DPYD: variants seen among roughly 807,000 people sequenced by gnomAD.
DPYD encodes the protein dihydropyrimidine dehydrogenase.
A neutral mutation model predicts 116.2 loss-of-function variants in DPYD; 109 were observed. The ratio of observed to expected loss-of-function variants is 0.94; its 90% CI spans 0.80 to 1.10. The LOEUF is 1.10. DPYD is among the 50% of genes least tolerant of loss of function. The pLI is 0.00. For synonymous variants in DPYD, 440 were observed against 432.0 expected (o/e 1.02, Z -0.23); for missense variants, 1,302 against 1,254.5 (o/e 1.04, Z -0.57).
chr1:97,174,445 T>A (rs956703314), intron 20 of DPYD, among the ~76,000 whole-genome samples: 2 of 150,960 alleles, frequency 1.3e-5, no homozygotes, highest in African/African-American at 2.4e-5. Context: ...CTCCCTGATG[T>A]GAAAGGCCGG....
intron 12 of DPYD, among the ~76,000 whole-genome samples, chr1:97,531,464 T>A (rs895558987): frequency 3.3e-5 from 5 of 152,218 alleles, no homozygotes; most frequent in African/African-American, 9.6e-5. Flanking sequence ...GGCTGTAGGA[T>A]ATAAGCTCTC....
At chr1:97,081,129 A>C (rs1649119964) in intron 22 of DPYD, among the ~76,000 whole-genome samples, 1 of 77,434 alleles carries the variant, frequency 1.3e-5, no homozygotes, top group Non-Finnish European at 2.7e-5. Flanking sequence ...AACTAGGAAG[A>C]AAAATTAATA....
At chr1:97,640,138 A>G (rs1281959270) in intron 8 of DPYD, among the ~76,000 whole-genome samples, 1 of 152,206 alleles carries the variant, frequency 6.6e-6, no homozygotes, top group Non-Finnish European at 1.5e-5. Context: ...AAGTCAAGTT[A>G]CGTAGTGACT....
At chr1:97,735,414 C>T (rs924476281) in intron 4 of DPYD, among the ~76,000 whole-genome samples, 20 of 151,606 alleles carry the variant, frequency 1.3e-4, no homozygotes, top group African/African-American at 4.4e-4. Flanking sequence ...CGGTGGCTCA[C>T]GCCTGTAATC....
chr1:97,696,443 T>C (rs951811287), intron 6 of DPYD, among the ~76,000 whole-genome samples: 11 of 152,086 alleles, frequency 7.2e-5, no homozygotes, highest in African/African-American at 2.2e-4. Context: ...TAGGTGATAA[T>C]TGAAACCATG....
chr1:97,525,867 T>G, intron 12 of DPYD, among the ~76,000 whole-genome samples: 1 of 122,696 alleles, frequency 8.2e-6, no homozygotes. Context: ...TAATTAAGAG[T>G]GTGCGTGTGT....
Position 97,231,826 on chromosome 1 carries a change from T to C in DPYD, c.2442+3026A>G, listed in dbSNP as rs551624397. Among the ~76,000 whole-genome samples, 3 of 152,316 alleles carry C rather than the reference T, an allele frequency of 2.0e-5. No individual in the cohort carries two copies. The South Asian group carries it at 6.2e-4, about 32-fold the overall frequency. On this transcript the variant is annotated intron_variant, in intron 19 of 22. Coordinates refer to ENST00000370192, the MANE Select transcript of DPYD (RefSeq NM_000110.4). Reference sequence around the variant, plus strand: ...ATGGTAGACAGTCAATAATCTTTACTTCCATGTGTGACTTGCCCATGGTCA... The same window carrying C: ...ATGGTAGACAGTCAATAATCTTTACCTCCATGTGTGACTTGCCCATGGTCA...
At chr1:97,758,676 T>C (rs1665401574) in intron 3 of DPYD, among the ~76,000 whole-genome samples, 1 of 152,216 alleles carries the variant, frequency 6.6e-6, no homozygotes, top group Non-Finnish European at 1.5e-5. Flanking sequence ...GTCCGACTAG[T>C]AAAATTTTGG....
intron 10 of DPYD, among the ~76,000 whole-genome samples, chr1:97,576,611 T>A (rs1329866219): frequency 6.6e-6 from 1 of 152,258 alleles, no homozygotes; most frequent in Non-Finnish European, 1.5e-5. Flanking sequence ...GTTTTAGTAA[T>A]GTTTAGTAAT....
chr1:97,488,227 G>T (rs1415629635), intron 13 of DPYD, among the ~76,000 whole-genome samples: 1 of 152,028 alleles, frequency 6.6e-6, no homozygotes, highest in African/African-American at 2.4e-5. Flanking sequence ...TTTGAAATTA[G>T]AAAATTTTAG....
At chr1:97,772,315 T>C (rs927867449) in intron 3 of DPYD, among the ~76,000 whole-genome samples, 25 of 152,172 alleles carry the variant, frequency 1.6e-4, no homozygotes, top group Admixed American at 1.2e-3. Context: ...TGTTTGACCT[T>C]AAAGAACTCA....
intron 17 of DPYD, among the ~76,000 whole-genome samples, chr1:97,305,969 T>A (rs75179692): frequency 6.6e-6 from 1 of 151,966 alleles, no homozygotes; most frequent in Non-Finnish European, 1.5e-5. Flanking sequence ...GGATCTTGTG[T>A]TTCCAGATCA....
At position 97,665,629 on chromosome 1, in the gene DPYD, C is replaced by T. The variant is rs145916447; in HGVS notation, c.850+13466G>A. The stretch of plus-strand genomic sequence containing the variant: ...TTATCTTCTAAATGAAGAAAAATCA[C>T]AAATTCTATTCAATATCCAGGTATT... On this transcript the variant is annotated intron_variant, in intron 8 of 22. Transcript: ENST00000370192. 6.2e-3 allele frequency among the ~76,000 whole-genome samples: 945 copies of T among 152,246 alleles called. 14 individuals carry two copies. Among genetic ancestry groups the T allele is most frequent in the African/African-American group, 0.022 (900 of 41,560 alleles).
At chr1:97,719,771 C>A (rs892917801) in intron 5 of DPYD, 3 of 984,782 alleles carry the variant, frequency 3.0e-6, no homozygotes, top group African/African-American at 1.8e-5. Context: ...GTAGTTCCCA[C>A]GAGGACATTT....
At chr1:97,763,867 A>C (rs1374280319) in intron 3 of DPYD, among the ~76,000 whole-genome samples, 1 of 152,110 alleles carries the variant, frequency 6.6e-6, no homozygotes, top group Non-Finnish European at 1.5e-5. Context: ...GTAAAGCTTC[A>C]TACTAGCTTA....
intron 8 of DPYD, among the ~76,000 whole-genome samples, chr1:97,678,320 C>T (rs1053285800): frequency 6.6e-6 from 1 of 152,186 alleles, no homozygotes; most frequent in Non-Finnish European, 1.5e-5. Context: ...CCACTATTCA[C>T]CTCCTGCTGT....
intron 3 of DPYD, among the ~76,000 whole-genome samples, chr1:97,823,990 T>G (rs2101462314): frequency 6.6e-6 from 1 of 151,626 alleles, no homozygotes; most frequent in South Asian, 2.1e-4. Flanking sequence ...GGGTACTTCA[T>G]CATATAATAA....
intron 14 of DPYD, among the ~76,000 whole-genome samples, chr1:97,384,627 A>T (rs144975032): frequency 2.6e-5 from 4 of 152,290 alleles, no homozygotes; most frequent in Non-Finnish European, 5.9e-5. Context: ...TGGCGATTAT[A>T]TGAGTAAGAG....
chr1:97,099,251 T>C (rs1292634295), intron 20 of DPYD, among the ~76,000 whole-genome samples: 1 of 152,144 alleles, frequency 6.6e-6, no homozygotes, highest in Non-Finnish European at 1.5e-5. Flanking sequence ...AAATTTTATT[T>C]TGCATGGAGG....
Sources: allele counts gnomAD v4.1 joint callset (sites outside exome capture counted in the v4.1 genomes callset), GRCh38; gene constraint gnomAD v4.1.1; transcripts MANE v1.5; gene names NCBI Gene and HGNC (gene_info 2026-07-23, HGNC 2026-07-21).